The following LTBP4 variants were observed in gnomAD, a reference collection of about 807,000 sequenced individuals.
LTBP4 encodes the protein latent-transforming growth factor beta-binding protein 4.
Under a neutral mutation model 180.2 loss-of-function variants are expected in LTBP4, and 93 were observed. The ratio of observed to expected loss-of-function variants is 0.52; its 90% confidence interval spans 0.44 to 0.61. The LOEUF (loss-of-function observed/expected upper bound fraction) is 0.61, where lower values mean the gene tolerates loss of function less well. LTBP4 is among the 20% of genes least tolerant of loss of function. The pLI is 0.00. For missense variants in LTBP4, 2,116 were observed against 2,256.5 expected (o/e 0.94, Z 1.26); for synonymous variants, 947 against 934.5 (o/e 1.01, Z -0.24).
chr19:40,605,160 G>A lies in LTBP4; in HGVS notation c.376G>A (p.Ala126Thr). ...HSSGARPPAP[A>T]VPGLTRSVYT... is the part of the protein sequence containing the mutation. Reference sequence around the variant, plus strand: ...CTCGGGCGCCCGGCCCCCGGCCCCGGCTGTACCAGGCCTCACCCGCTCCGT... The same window carrying A: ...CTCGGGCGCCCGGCCCCCGGCCCCGACTGTACCAGGCCTCACCCGCTCCGT... Residue 126 changes from alanine (A) to threonine (T), a missense_variant, in exon 2 of 30, where the codon GCT (alanine) becomes ACT (threonine). Ala to Thr is a moderately conservative substitution (Grantham distance 58). Transcript: ENST00000396819. The surrounding 1 kb of genome is among the most constrained non-coding windows in gnomAD (Gnocchi z 5.5). 1 of 1,611,506 alleles carries A rather than the reference G, an allele frequency of 6.2e-7. No individual in the cohort carries two copies. Among genetic ancestry groups the A allele is most frequent in the South Asian group, 1.1e-5 (1 of 90,710 alleles).
intron 9 of LTBP4, 142 bp downstream of exon 9, chr19:40,608,745 T>C (rs2081482947): frequency 1.1e-6 from 1 of 878,542 alleles, no homozygotes; most frequent in Admixed American, 2.8e-5. Flanking sequence ...ACCCTGTCTC[T>C]ACTAAAACTA....
At position 40,612,053 on chromosome 19, in the gene LTBP4, C is replaced by A. The variant is rs781230313; in HGVS notation, c.2180-20C>A. 3 of 1,612,102 alleles carry A rather than the reference C, an allele frequency of 1.9e-6. No individual in the cohort carries two copies. Among genetic ancestry groups the A allele is most frequent in the Non-Finnish European group, 2.5e-6 (3 of 1,179,368 alleles). On this transcript the variant is annotated intron_variant, in intron 14 of 29. Coordinates refer to ENST00000396819, the MANE Select transcript of LTBP4 (RefSeq NM_001042545.2). ...GAGTTGGACCACTTCTTCAAGGCCA[C>A]CCTCTCCCCTGCCCCCCAGATGTGG...
intron 11 of LTBP4, 70 bp from the exon 12 acceptor site, chr19:40,610,462 C>G (rs2081497418): frequency 7.9e-6 from 12 of 1,524,464 alleles, no homozygotes; most frequent in African/African-American, 1.4e-5. Flanking sequence ...TTCCCTCTAC[C>G]CCTGCCTCCT....
upstream of LTBP4, among the ~76,000 whole-genome samples, chr19:40,601,184 C>T (rs1409514500): frequency 6.6e-6 from 1 of 152,040 alleles, no homozygotes; most frequent in Non-Finnish European, 1.5e-5. Context: ...CCCGCTCACC[C>T]CTGCGAGTCT....
In LTBP4 at chr19:40,609,703, C is replaced by T. The variant is rs1425693733; in HGVS notation, c.1558+42C>T. ...GCGCGGAAGGAGGCGGGGCGGGGGG[C>T]TTTGCCTGGTCACCTTGTCACCAGC... On this transcript the variant is annotated intron_variant, in intron 10 of 29. Transcript: ENST00000396819. This position sits in a 1 kb window ranked among gnomAD's most constrained non-coding sequence, Gnocchi z 4.9. 1 of 1,611,330 alleles carries T rather than the reference C, an allele frequency of 6.2e-7. No homozygotes were observed. The highest frequency in any genetic ancestry group is 8.5e-7 in the Non-Finnish European group (1 of 1,178,408).
At chr19:40,602,258 A>G (rs1360564707) in intron 1 of LTBP4, among the ~76,000 whole-genome samples, 2 of 149,880 alleles carry the variant, frequency 1.3e-5, no homozygotes, top group Non-Finnish European at 3.0e-5. Context: ...AAATCCAGAT[A>G]AGAGGGCTTA....
At chr19:40,596,008 C>T (rs1249081670) in intron 1 of LTBP4, among the ~76,000 whole-genome samples, 2 of 145,182 alleles carry the variant, frequency 1.4e-5, no homozygotes, top group African/African-American at 5.2e-5. Flanking sequence ...GCAACCTCCA[C>T]CTCCTGGGTT....
chr19:40,625,283 TA>T (rs1568414393), intron 26 of LTBP4, among the ~76,000 whole-genome samples: 101 of 8,708 alleles, frequency 0.012, 21 homozygotes, highest in South Asian at 0.049. Context: ...TATATATATA[TA>T]TATATATATA....
At chr19:40,598,307 G>A (rs1368129245), upstream of LTBP4, among the ~76,000 whole-genome samples, 1 of 151,974 alleles carries the variant, frequency 6.6e-6, no homozygotes, top group East Asian at 1.9e-4. Context: ...CCACCAGATG[G>A]CCTCATCCTC....
intron 19 of LTBP4, among the ~76,000 whole-genome samples, chr19:40,615,976 T>A (rs1012709989): frequency 3.3e-5 from 5 of 151,896 alleles, no homozygotes; most frequent in Non-Finnish European, 7.4e-5. Flanking sequence ...GAGCAGTGGA[T>A]GGAGGAGTGC....
At chr19:40,628,517 AAAAC>A (rs1428325109) in intron 29 of LTBP4, among the ~76,000 whole-genome samples, 1 of 152,196 alleles carries the variant, frequency 6.6e-6, no homozygotes, top group Non-Finnish European at 1.5e-5. Context: ...TCCGTCTCAA[AAAAC>A]AAACAAAACT....
rs1482924820 is a variant in LTBP4, at chr19:40,601,507, G to T, written c.120G>T (p.Val40=). 2 of 1,498,404 alleles carry T rather than the reference G, an allele frequency of 1.3e-6. No homozygotes were observed. Among genetic ancestry groups the T allele is most frequent in the Admixed American group, 2.1e-5 (1 of 46,774 alleles). 92.8% of individuals were successfully genotyped at this position (1,498,404 alleles called of 1,614,324 possible). A position where few individuals can be genotyped will look rare whatever the true frequency, so the allele number is the denominator to read the frequency against. Residue 40 remains valine (V), a synonymous_variant, in exon 1 of 30, where the codon GTG becomes GTT. Transcript: ENST00000396819. The part of the protein sequence containing the change: ...ERLRVRFTPV[V]CGLRCVHGPT... ...TCCGCGTGCGCTTCACCCCGGTCGT[G>T]TGCGGCCTGCGCTGCGTCCATGGGC...
chr19:40,625,277 TATATATATATATATATATATATATATATA>T (rs1394353339), intron 26 of LTBP4, among the ~76,000 whole-genome samples: 184 of 7,678 alleles, frequency 0.024, 33 homozygotes, highest in Non-Finnish European at 0.028. Flanking sequence ...TATATATATA[TATATATATATATATATATATATATATATA>T]TATATATATA....
Position 40,611,515 on chromosome 19 carries a change from T to G in LTBP4, c.2053+121T>G. 3.6e-6 allele frequency: 5 copies of G among 1,371,412 alleles called. No individual in the cohort carries two copies. Among genetic ancestry groups the G allele is most frequent in the Non-Finnish European group, 4.9e-6 (5 of 1,020,782 alleles). 85.0% of individuals were successfully genotyped at this position (1,371,412 alleles called of 1,614,324 possible). A position where few individuals can be genotyped will look rare whatever the true frequency, so the allele number is the denominator to read the frequency against. ...GGGATGGAGAACAGGGGCTGAGGGATGGGGACCTCACTCCAGAGTCTTCTC... is the reference window on the plus strand; with the variant it reads ...GGGATGGAGAACAGGGGCTGAGGGAGGGGGACCTCACTCCAGAGTCTTCTC... On this transcript the variant is annotated intron_variant, in intron 13 of 29. Transcript: ENST00000396819. This position sits in a 1 kb window ranked among gnomAD's most constrained non-coding sequence, Gnocchi z 4.4.
chr19:40,624,126 G>A, intron 26 of LTBP4, 44 bp downstream of exon 26: 1 of 1,480,754 alleles, frequency 6.8e-7, no homozygotes, highest in Non-Finnish European at 9.0e-7. Context: ...CCTTGGCTCG[G>A]CCTCACACCC....
At chr19:40,599,918 C>G, upstream of LTBP4, 2 of 468,670 alleles carry the variant, frequency 4.3e-6, no homozygotes, top group Non-Finnish European at 7.6e-6. Flanking sequence ...TGTTTCTCTC[C>G]CACTAGAGGC....
chr19:40,621,267 T>C, intron 22 of LTBP4, among the ~76,000 whole-genome samples: 1 of 152,132 alleles, frequency 6.6e-6, no homozygotes, highest in East Asian at 1.9e-4. Flanking sequence ...TCAACCCTTG[T>C]ACCTCTGTCC....
chr19:40,627,403 G>T (rs1403299599), intron 28 of LTBP4, 48 bp downstream of exon 28: 4 of 1,454,512 alleles, frequency 2.8e-6, no homozygotes, highest in Non-Finnish European at 3.6e-6. Flanking sequence ...GGTGAGGTGT[G>T]CACGGAGAGA....
At position 40,606,312 on chromosome 19, in the gene LTBP4, A is replaced by T. The variant is rs780542710; in HGVS notation, c.868+5A>T. Reference sequence around the variant, plus strand: ...GAGTTAATGGGTCCTGCGAAGGTGCAACGGGGCAGGGGTGGGAGGGGCTTG... The same window carrying T: ...GAGTTAATGGGTCCTGCGAAGGTGCTACGGGGCAGGGGTGGGAGGGGCTTG... On this transcript the variant is annotated splice_donor_5th_base_variant and intron_variant, in intron 5 of 29. Transcript: ENST00000396819. 6.2e-7 allele frequency: 1 copy of T among 1,601,736 alleles called. No individual in the cohort carries two copies. Among genetic ancestry groups the T allele is most frequent in the Non-Finnish European group, 8.5e-7 (1 of 1,174,270 alleles).
Sources: allele counts gnomAD v4.1 joint callset (sites outside exome capture counted in the v4.1 genomes callset), GRCh38; gene constraint gnomAD v4.1.1; non-coding constraint Gnocchi (gnomAD v3.1); transcripts MANE v1.5; gene names NCBI Gene and HGNC (gene_info 2026-07-23, HGNC 2026-07-21).